The following MGAM variants were observed in gnomAD, a reference collection of about 807,000 sequenced individuals.
The protein encoded by MGAM is maltase-glucoamylase, also known as alpha-1,4-glucosidase.
MGAM carries 253 observed loss-of-function variants against 358.8 expected under a neutral mutation model. That is an observed-to-expected ratio of 0.71 (90% CI 0.64 to 0.78). The LOEUF (loss-of-function observed/expected upper bound fraction) is 0.78. MGAM is among the 30% of genes least tolerant of loss of function. MGAM has a pLI of 0.00. For missense variants in MGAM, 3,080 were observed against 3,432.6 expected, an observed-to-expected ratio of 0.90 and a Z score of 2.57; for synonymous variants, 1,105 against 1,227.1, an observed-to-expected ratio of 0.90 and a Z score of 2.08.
At position 142,064,516 on chromosome 7, in the gene MGAM, C is replaced by G. The variant is rs1299200485; in HGVS notation, c.4478C>G (p.Thr1493Arg). The G allele has an allele frequency of 3.2e-6, 5 of 1,573,210 alleles. No homozygotes were observed. The highest frequency in any genetic ancestry group is 3.4e-6 in the Non-Finnish European group (4 of 1,159,426). The part of the protein sequence containing the change: ...NLYGWSQTRP[T>R]YEAVQEVTGQ... Reference sequence around the variant, plus strand: ...TATGGGTGGTCCCAGACCAGACCCACATACGAGTGAGTCTCCGTCTCCCTT... The same window carrying G: ...TATGGGTGGTCCCAGACCAGACCCAGATACGAGTGAGTCTCCGTCTCCCTT... Residue 1493 changes from threonine (T) to arginine (R), a missense_variant, in exon 37 of 71, where the codon ACA becomes AGA. By Grantham distance (71) the Thr-to-Arg change is moderately conservative. This residue lies in a region of MGAM where 134 missense variants were observed against 198.4 expected (regional missense o/e 0.68). Transcript: ENST00000475668.
chr7:142,014,066 T>A (rs1805792965), intron 3 of MGAM, among the ~76,000 whole-genome samples: 1 of 152,162 alleles, frequency 6.6e-6, no homozygotes. Context: ...TGTATTAGCA[T>A]CACGTAGAGA....
intron 29 of MGAM, 42 bp downstream of exon 29, chr7:142,056,138 T>A (rs772813832): frequency 6.5e-7 from 1 of 1,541,108 alleles, no homozygotes; most frequent in South Asian, 1.2e-5. Flanking sequence ...GGGATACCAA[T>A]CATGCCTGAG....
At position 142,052,375 on chromosome 7, in the gene MGAM, A is replaced by G. The variant is rs1811073616; in HGVS notation, c.2887A>G (p.Lys963Glu). ...GAGCATAAAGATAAGGGATGAAGAA[A>G]AAATAGACTGTTACCCTGATGAGAA... ...EWSIKIRDEE[K>E]IDCYPDENGA... Residue 963 changes from lysine to glutamate, a missense_variant, in exon 25 of 71, where the codon AAA (lysine) becomes GAA (glutamate). Around this residue, in one of 5 missense-constraint regions of MGAM, gnomAD observed 1,816 missense variants for 1,840.5 expected, o/e 0.99. Coordinates refer to ENST00000475668, the MANE Select transcript of MGAM (RefSeq NM_001365693.1). 2 of 1,612,858 alleles carry G rather than the reference A, an allele frequency of 1.2e-6. No individual in the cohort carries two copies. The highest frequency in any genetic ancestry group is 8.5e-7 in the Non-Finnish European group (1 of 1,179,420).
Position 142,052,303 on chromosome 7 carries a change from A to G in MGAM, c.2815A>G (p.Ile939Val). ...TYDSNLKVAI[I>V]TDIDLLLGEA... is the part of the protein sequence containing the mutation. ...TTCCACATTCCTACAGGTTGCCATT[A>G]TCACAGATATTGATCTTCTCCTGGG... is the stretch of plus-strand genomic sequence containing the variant. Residue 939 changes from isoleucine (I) to valine (V), a missense_variant, in exon 25 of 71, where the codon ATC becomes GTC. Physicochemically the swap from Ile to Val is conservative, Grantham distance 29 (BLOSUM62 3). Around this residue, in one of 5 missense-constraint regions of MGAM, gnomAD observed 1,816 missense variants for 1,840.5 expected, o/e 0.99. Coordinates refer to ENST00000475668, the MANE Select transcript of MGAM (RefSeq NM_001365693.1). 1 of 1,604,632 alleles carries G rather than the reference A, an allele frequency of 6.2e-7. No individual in the cohort carries two copies. Among genetic ancestry groups the G allele is most frequent in the South Asian group, 1.1e-5 (1 of 89,316 alleles).
intron 21 of MGAM, among the ~76,000 whole-genome samples, chr7:142,041,607 T>C (rs1429567151): frequency 6.6e-6 from 1 of 151,586 alleles, no homozygotes; most frequent in East Asian, 1.9e-4. Context: ...CACAACCTGG[T>C]TTCACGTTAC....
At chr7:142,062,506 A>G (rs1326434427) in intron 34 of MGAM, 62 bp from the exon 35 acceptor site, 9 of 1,531,176 alleles carry the variant, frequency 5.9e-6, no homozygotes, top group Non-Finnish European at 7.1e-6. Flanking sequence ...ATTCTCAGTA[A>G]GTGCCTGTTT....
At chr7:142,050,390 A>G (rs1810829591) in intron 23 of MGAM, 106 bp downstream of exon 23, 45 of 1,353,668 alleles carry the variant, frequency 3.3e-5, no homozygotes, top group Non-Finnish European at 4.5e-5. Context: ...GTAACTTTAT[A>G]TGCATTATTG....
chr7:142,027,831 T>A (rs1807114898), intron 10 of MGAM, 96 bp downstream of exon 10: 1 of 1,319,080 alleles, frequency 7.6e-7, no homozygotes, highest in African/African-American at 1.5e-5. Flanking sequence ...TTTAATTGAT[T>A]TATTTATTTG....
At chr7:142,062,824 C>CGG in intron 35 of MGAM, 122 bp downstream of exon 35, 5 of 1,497,198 alleles carry the variant, frequency 3.3e-6, no homozygotes, top group Non-Finnish European at 4.5e-6. Flanking sequence ...TTGGACATAG[C>CGG]AGACACTTCT....
In MGAM at chr7:142,071,260, G is replaced by A; in HGVS notation, c.5186+142G>A. 7 of 1,111,024 alleles carry A rather than the reference G, an allele frequency of 6.3e-6. 2 individuals carry two copies. The highest frequency in any genetic ancestry group is 2.6e-5 in the East Asian group (1 of 37,768). 68.8% of individuals were successfully genotyped at this position (1,111,024 alleles called of 1,614,324 possible). A position where few individuals can be genotyped will look rare whatever the true frequency, so the allele number is the denominator to read the frequency against. On this transcript the variant is annotated intron_variant, in intron 44 of 70. Coordinates refer to ENST00000475668, the MANE Select transcript of MGAM (RefSeq NM_001365693.1). ...GTTTTTTCTTTGTTTTGTTGTTTGT[G>A]TGTTAATCTTTTTCAGACTCTATAC...
At position 142,022,381 on chromosome 7, in the gene MGAM, G is replaced by A. The variant is rs1272804758; in HGVS notation, c.824G>A (p.Arg275Gln). 14 of 1,613,630 alleles carry A rather than the reference G, an allele frequency of 8.7e-6. No homozygotes were observed. Among genetic ancestry groups the A allele is most frequent in the Non-Finnish European group, 9.3e-6 (11 of 1,179,712 alleles). ...GGAGAGCATGTGCACCAGCAGTATC[G>A]GCATGATATGAATTGGAAGACCTGG... ...GLGEHVHQQY[R>Q]HDMNWKTWPI... Residue 275 changes from arginine (R) to glutamine (Q), a missense_variant, in exon 7 of 71, where the codon CGG becomes CAG. Arg to Gln is a conservative substitution (Grantham distance 43). Transcript: ENST00000475668.
Position 142,083,287 on chromosome 7 carries a change from T to C in MGAM, c.6269-14T>C. On this transcript the variant is annotated splice_polypyrimidine_tract_variant and intron_variant, in intron 52 of 70. Coordinates refer to ENST00000475668, the MANE Select transcript of MGAM (RefSeq NM_001365693.1). The stretch of plus-strand genomic sequence containing the variant: ...AAAGTTTCCAGCTTGATTAGCATTT[T>C]TCTTCATTTTCAGATGTGACGTTCC... 8 of 1,525,596 alleles carry C rather than the reference T, an allele frequency of 5.2e-6. 2 individuals are homozygous for C. Among genetic ancestry groups the C allele is most frequent in the South Asian group, 1.1e-5 (1 of 87,086 alleles). The allele number at this position is 1,525,596 out of a possible 1,614,324, so 94.5% of individuals were successfully genotyped here.
In MGAM at chr7:142,076,775, T is replaced by A. The variant is rs117382640; in HGVS notation, c.5442T>A (p.Asn1814Lys). ...CTAGCAATGTTACGGTGAAACACAA[T>A]GGTGTCCCAAGTCAGACTTCTCCTA... Reference protein sequence around the residue: ...EEPSNVTVKHNGVPSQTSPTV... With the variant: ...EEPSNVTVKHKGVPSQTSPTV... Residue 1814 changes from asparagine to lysine, a missense_variant, in exon 47 of 71, where the codon AAT (asparagine) becomes AAA (lysine). By Grantham distance (94) the Asn-to-Lys change is moderately conservative. Around this residue, in one of 5 missense-constraint regions of MGAM, gnomAD observed 932 missense variants for 1,198.2 expected, o/e 0.78. Coordinates refer to ENST00000475668, the MANE Select transcript of MGAM (RefSeq NM_001365693.1). 9.0e-3 allele frequency: 13,988 copies of A among 1,555,328 alleles called. 1,961 individuals carry two copies. Among genetic ancestry groups the A allele is most frequent in the South Asian group, 0.088 (7,847 of 89,194 alleles).
rs1563146090 is a variant in MGAM, at chr7:142,042,093, A to AAT, written c.2498+1253_2498+1254dup. ...ATATAACATACAATATATAACATATAATATATACATATAATATATAATATA... is the reference window on the plus strand; with the variant it reads ...ATATAACATACAATATATAACATATAATATATATACATATAATATATAATATA... On this transcript the variant is annotated intron_variant, in intron 21 of 70. Coordinates refer to ENST00000475668, the MANE Select transcript of MGAM (RefSeq NM_001365693.1). Among the ~76,000 whole-genome samples, 44 of 77,358 alleles carry AAT rather than the reference A, an allele frequency of 5.7e-4. 1 individual carries two copies. The highest frequency in any genetic ancestry group is 2.2e-3 in the African/African-American group (41 of 18,634). 50.7% of individuals were successfully genotyped at this position (77,358 alleles called of 152,430 possible). A position where few individuals can be genotyped will look rare whatever the true frequency, so the allele number is the denominator to read the frequency against.
intron 21 of MGAM, among the ~76,000 whole-genome samples, chr7:142,045,433 T>G (rs1205904001): frequency 2.9e-4 from 32 of 111,620 alleles, no homozygotes; most frequent in Non-Finnish European, 4.7e-4. Flanking sequence ...TAATACATGA[T>G]ATATTATATA....
chr7:142,043,363 TATA>T (rs1407615254), intron 21 of MGAM, among the ~76,000 whole-genome samples: 161 of 10,360 alleles, frequency 0.016, 10 homozygotes, highest in Non-Finnish European at 0.032. Context: ...TATATATACA[TATA>T]ATATCTAAAT....
intron 2 of MGAM, among the ~76,000 whole-genome samples, chr7:141,989,358 A>AT (rs2128969132): frequency 6.6e-6 from 1 of 152,266 alleles, no homozygotes; most frequent in African/African-American, 2.4e-5. Flanking sequence ...GGAAACTGAC[A>AT]TTGGATGTCA....
At position 142,061,263 on chromosome 7, in the gene MGAM, C is replaced by A. The variant is rs531999661; in HGVS notation, c.4122+890C>A. Among the ~76,000 whole-genome samples, 116 of 152,258 alleles carry A rather than the reference C, an allele frequency of 7.6e-4. 2 individuals carry two copies. The South Asian group carries it at 0.016, about 21-fold the overall frequency. ...CGTATGGGATAGAATTCTGACTCAG[C>A]TGTGGCTGATAATCTCTTTATTCTA... On this transcript the variant is annotated intron_variant, in intron 34 of 70. Transcript: ENST00000475668.
chr7:142,030,314 C>T (rs371761247), intron 10 of MGAM, 48 bp from the exon 11 acceptor site: 44 of 1,581,506 alleles, frequency 2.8e-5, no homozygotes, highest in Non-Finnish European at 3.7e-5. Flanking sequence ...TTTCATTTTA[C>T]TATGGAAATT....
Sources: gnomAD v4.1 joint callset for allele counts (sites outside exome capture counted in the v4.1 genomes callset) on GRCh38, gnomAD v4.1.1 for gene constraint, gnomAD v4.1.1 regional missense constraint, MANE v1.5 for transcripts, NCBI Gene and HGNC (gene_info 2026-07-23, HGNC 2026-07-21) for gene names.